Variants in SLC38A10 observed in about 807,000 individuals in gnomAD.
SLC38A10 encodes Sodium-coupled neutral amino acid transporter 10.
Under a neutral mutation model 81.0 loss-of-function variants are expected in SLC38A10, and 53 were observed. The ratio of observed to expected loss-of-function variants is 0.65; its 90% CI spans 0.53 to 0.82. SLC38A10 has a LOEUF of 0.82. Ranked by LOEUF, SLC38A10 falls within the 40% of genes least tolerant of loss-of-function variation. The probability of loss-of-function intolerance (pLI) is 0.00; values close to 1 mark genes in which losing one functional copy is unlikely to be tolerated. For missense variants in SLC38A10, 1,471 were observed against 1,545.0 expected, an observed-to-expected ratio of 0.95 and a Z score of 0.80; for synonymous variants, 665 against 655.3, an observed-to-expected ratio of 1.01 and a Z score of -0.23.
chr17:81,254,562 C>T (rs942633225), intron 11 of SLC38A10, among the ~76,000 whole-genome samples: 13 of 152,212 alleles, frequency 8.5e-5, no homozygotes, highest in African/African-American at 3.1e-4. Flanking sequence ...ATTTTCATGC[C>T]TCAGCCTCCT....
At chr17:81,280,494 T>C in intron 6 of SLC38A10, 115 bp downstream of exon 6, 1 of 1,474,452 alleles carries the variant, frequency 6.8e-7, no homozygotes, top group South Asian at 1.3e-5. Flanking sequence ...AAGACATCAC[T>C]CTTTAGCAGC....
chr17:81,275,733 A>AAAAAAAAAAAAAAC (rs2063154884), intron 8 of SLC38A10, among the ~76,000 whole-genome samples: 1 of 149,460 alleles, frequency 6.7e-6, no homozygotes, highest in Non-Finnish European at 1.5e-5. Flanking sequence ...CTCCGTCTCA[A>AAAAAAAAAAAAAAC]AAAAAAAGAG....
chr17:81,282,402 A>T, intron 4 of SLC38A10, 70 bp from the exon 5 acceptor site: 1 of 1,534,958 alleles, frequency 6.5e-7, no homozygotes, highest in Non-Finnish European at 8.8e-7. Context: ...CTGCACTGAC[A>T]GGGAGTGGGA....
At chr17:81,263,877 C>A (rs2063046133) in intron 10 of SLC38A10, 1 of 152,648 alleles carries the variant, frequency 6.6e-6, no homozygotes, top group Non-Finnish European at 1.5e-5. Context: ...TGTGCCAGAG[C>A]CAGGGCGGGA....
In SLC38A10 at chr17:81,276,291, C is replaced by G; in HGVS notation, c.730-140G>C. ...AATCCACTTCATAATGAAGCTTCTGCAAGAGATGGCCTTCCAGGGGCAAGG... is the reference window on the plus strand; with the variant it reads ...AATCCACTTCATAATGAAGCTTCTGGAAGAGATGGCCTTCCAGGGGCAAGG... On this transcript the variant is annotated intron_variant, in intron 7 of 15. Transcript: ENST00000374759. The surrounding 1 kb of genome is among the most constrained non-coding windows in gnomAD (Gnocchi z 4.7). The G allele has an allele frequency of 2.9e-6, 2 of 689,288 alleles. No individual in the cohort carries two copies. The highest frequency in any genetic ancestry group is 5.4e-5 in the South Asian group (2 of 37,014). The allele number at this position is 689,288 out of a possible 1,614,324, so 42.7% of individuals were successfully genotyped here. A position where few individuals can be genotyped will look rare whatever the true frequency, so the allele number is the denominator to read the frequency against.
chr17:81,277,179 C>A lies in SLC38A10; in HGVS notation c.627-46G>T, dbSNP rs1313421618. The A allele has an allele frequency of 6.4e-7, 1 of 1,569,250 alleles. No homozygotes were observed. The highest frequency in any genetic ancestry group is 8.8e-7 in the Non-Finnish European group (1 of 1,142,428). On this transcript the variant is annotated intron_variant, in intron 6 of 15. Transcript: ENST00000374759. This position sits in a 1 kb window ranked among gnomAD's most constrained non-coding sequence, Gnocchi z 4.5. The stretch of plus-strand genomic sequence containing the variant: ...TCACAGCGGACCTGAGAGAGGCACG[C>A]CCTCCCCAGCGGCTCCACTTCTAGG...
chr17:81,280,182 G>C (rs933600744), intron 6 of SLC38A10: 2 of 452,312 alleles, frequency 4.4e-6, no homozygotes, highest in African/African-American at 4.0e-5. Flanking sequence ...AGAGAAAGCA[G>C]GCTCGCGCGC....
chr17:81,294,570 G>A (rs772180949), intron 1 of SLC38A10, among the ~76,000 whole-genome samples: 3 of 152,224 alleles, frequency 2.0e-5, no homozygotes, highest in Non-Finnish European at 2.9e-5. Context: ...CTTTGCTTCG[G>A]TATCGAGTTT....
chr17:81,250,726 C>T (rs900758936), intron 14 of SLC38A10: 16 of 653,252 alleles, frequency 2.4e-5, no homozygotes, highest in Admixed American at 6.3e-5. Context: ...CCTCAGAGGG[C>T]GGGTGGACCC....
rs1009332475 is a variant in SLC38A10 at position 81,289,934 on chromosome 17, G to A, written c.100-126C>T. The A allele has an allele frequency of 7.0e-6, 5 of 717,788 alleles. No individual in the cohort carries two copies. Among genetic ancestry groups the A allele is most frequent in the African/African-American group, 1.8e-5 (1 of 54,634 alleles). The allele number at this position is 717,788 out of a possible 1,614,324, so 44.5% of individuals were successfully genotyped here. A position where few individuals can be genotyped will look rare whatever the true frequency, so the allele number is the denominator to read the frequency against. On this transcript the variant is annotated intron_variant, in intron 1 of 15. Coordinates refer to ENST00000374759, the MANE Select transcript of SLC38A10 (RefSeq NM_001037984.3). The surrounding 1 kb of genome is among the most constrained non-coding windows in gnomAD (Gnocchi z 5.9). ...CCCCGCTCCATCCCAGTCTCCTGCC[G>A]AACGCGACACTTCCTAGCACTGAAA...
chr17:81,284,318 C>T (rs1477524505), intron 3 of SLC38A10, among the ~76,000 whole-genome samples: 1 of 152,134 alleles, frequency 6.6e-6, no homozygotes, highest in African/African-American at 2.4e-5. Context: ...CAGCATTGCA[C>T]TCCAGCCTGG....
intron 1 of SLC38A10, among the ~76,000 whole-genome samples, chr17:81,294,368 A>G (rs1360035432): frequency 6.6e-6 from 1 of 152,182 alleles, no homozygotes; most frequent in African/African-American, 2.4e-5. Context: ...TCTTAGGTGT[A>G]TAACCTGGTG....
chr17:81,246,221 CCTCCTTCCCAGGTTTTTTCCTGTCT>C lies in SLC38A10; in HGVS notation c.2670_2694del (p.Asp891TrpfsTer9). On this transcript the variant is annotated frameshift_variant, in exon 16 of 16. Transcript: ENST00000374759. LOFTEE classifies it low-confidence loss of function (END_TRUNC). Reference sequence around the variant, plus strand: ...AGAATGCTGGTGCCAGTGGCTGCCACCTCCTTCCCAGGTTTTTTCCTGTCTTGGGAACCGCCAGTAACGTCCTGAC... The same window carrying C: ...AGAATGCTGGTGCCAGTGGCTGCCACTGGGAACCGCCAGTAACGTCCTGAC... The C allele has an allele frequency of 6.2e-7, 1 of 1,612,790 alleles. No individual in the cohort carries two copies. The highest frequency in any genetic ancestry group is 8.5e-7 in the Non-Finnish European group (1 of 1,179,958).
chr17:81,253,827 C>T lies in SLC38A10; in HGVS notation c.1289-587G>A, dbSNP rs2062946288. Among the ~76,000 whole-genome samples the T allele has an allele frequency of 6.6e-6, 1 of 151,374 alleles. No homozygotes were observed. The highest frequency in any genetic ancestry group is 1.5e-5 in the Non-Finnish European group (1 of 67,896). On this transcript the variant is annotated intron_variant, in intron 11 of 15. Transcript: ENST00000374759. The surrounding 1 kb of genome is among the most constrained non-coding windows in gnomAD (Gnocchi z 4.1). ...TCATCATCACCGTCACCATCATCAC[C>T]ATCACCGCTATCATCACCACCATCT...
rs116525836 is a variant in SLC38A10, at chr17:81,257,432, C to T, written c.1288+2806G>A. ...CTGATAGCTCCTTTGCTGTGTCCCCCGCGCCTCTCCTCCTCTTATAATTTT... is the reference window on the plus strand; with the variant it reads ...CTGATAGCTCCTTTGCTGTGTCCCCTGCGCCTCTCCTCCTCTTATAATTTT... On this transcript the variant is annotated intron_variant, in intron 11 of 15. Coordinates refer to ENST00000374759, the MANE Select transcript of SLC38A10 (RefSeq NM_001037984.3). Among the ~76,000 whole-genome samples the T allele has an allele frequency of 7.4e-3, 1,120 of 152,252 alleles. 14 individuals carry two copies. The highest frequency in any genetic ancestry group is 0.025 in the African/African-American group (1,047 of 41,536).
Position 81,281,778 on chromosome 17 carries a change from AAAAC to A in SLC38A10, c.501+407_501+410del, listed in dbSNP as rs3065408. On this transcript the variant is annotated intron_variant, in intron 5 of 15. Transcript: ENST00000374759. The surrounding 1 kb of genome is among the most constrained non-coding windows in gnomAD (Gnocchi z 5.3). ...GCGACAAAGTGAGACTCCGTCTCAA[AAAAC>A]AAACAAACAAACAAACAACAATAGC... Among the ~76,000 whole-genome samples, 48 of 151,378 alleles carry A rather than the reference AAAAC, an allele frequency of 3.2e-4. No individual in the cohort carries two copies. The highest frequency in any genetic ancestry group is 5.9e-4 in the Admixed American group (9 of 15,230).
At chr17:81,279,880 G>T (rs955283475) in intron 6 of SLC38A10, 1 of 202,144 alleles carries the variant, frequency 4.9e-6, no homozygotes, top group East Asian at 1.6e-4. Flanking sequence ...GGGAAATGAC[G>T]ATTTGGATCT....
chr17:81,252,136 C>G (rs1351079590), intron 13 of SLC38A10, 59 bp downstream of exon 13: 2 of 1,486,602 alleles, frequency 1.3e-6, no homozygotes, highest in Admixed American at 2.4e-5. Flanking sequence ...CTGCCCCTGC[C>G]CAGCCTCCCC....
intron 8 of SLC38A10, among the ~76,000 whole-genome samples, chr17:81,274,578 G>A (rs1471840941): frequency 6.6e-6 from 1 of 152,196 alleles, no homozygotes; most frequent in Non-Finnish European, 1.5e-5. Flanking sequence ...TGGGCCACCG[G>A]GCAGAGCTCC....
Sources: gnomAD v4.1 joint callset for allele counts (sites outside exome capture counted in the v4.1 genomes callset) on GRCh38, gnomAD v4.1.1 for gene constraint, Gnocchi (gnomAD v3.1) non-coding constraint, MANE v1.5 for transcripts, NCBI Gene and HGNC (gene_info 2026-07-23, HGNC 2026-07-21) for gene names.